The following DAW1 variants were observed in gnomAD, a reference collection of about 807,000 sequenced individuals.
DAW1 encodes the protein dynein assembly factor with WD repeat domains 1.
DAW1 carries 47 observed loss-of-function variants against 56.5 expected under a neutral mutation model. The ratio of observed to expected loss-of-function variants is 0.83; its 90% CI spans 0.66 to 1.06. The LOEUF is 1.06. Ranked by LOEUF, DAW1 falls within the 50% of genes least tolerant of loss-of-function variation. DAW1 has a pLI of 0.00. For missense variants in DAW1, 505 were observed against 499.3 expected (o/e 1.01, Z -0.11); for synonymous variants, 190 against 179.0 (o/e 1.06, Z -0.49).
intron 1 of DAW1, among the ~76,000 whole-genome samples, chr2:227,874,243 C>T (rs2106182614): frequency 6.6e-6 from 1 of 152,234 alleles, no homozygotes; most frequent in East Asian, 1.9e-4. Flanking sequence ...AAAACTTGGG[C>T]AATTTGTTTT....
chr2:227,921,094 G>T (rs764535024), intron 11 of DAW1, among the ~76,000 whole-genome samples: 23 of 152,178 alleles, frequency 1.5e-4, no homozygotes, highest in Non-Finnish European at 2.6e-4. Flanking sequence ...AGGGCATCGT[G>T]CATCTTTGGA....
chr2:227,906,117 A>G (rs1691673833), intron 8 of DAW1, 119 bp from the exon 9 acceptor site: 7 of 625,906 alleles, frequency 1.1e-5, no homozygotes, highest in Non-Finnish European at 1.8e-5. Flanking sequence ...CATCAAATAT[A>G]TTATTTTGTA....
intron 1 of DAW1, among the ~76,000 whole-genome samples, chr2:227,879,747 C>A (rs1409740655): frequency 6.6e-6 from 1 of 151,952 alleles, no homozygotes; most frequent in African/African-American, 2.4e-5. Context: ...TTCAAAAAAT[C>A]CAACTGATTA....
Position 227,905,356 on chromosome 2 carries a change from G to A in DAW1, c.755+321G>A, listed in dbSNP as rs541559131. ...TCATTATGTTAGGCAGGAATATCAT[G>A]TATAAATAAAAACTCTTAGTTAATT... On this transcript the variant is annotated intron_variant, in intron 8 of 12. Transcript: ENST00000309931. Among the ~76,000 whole-genome samples, 6 of 152,290 alleles carry A rather than the reference G, an allele frequency of 3.9e-5. No homozygotes were observed. The South Asian group carries it at 1.0e-3, about 26-fold the overall frequency.
rs181007990 is a variant in DAW1, at chr2:227,903,836, C to A, written c.648+727C>A. On this transcript the variant is annotated intron_variant, in intron 7 of 12. Transcript: ENST00000309931. ...CATTTTTAAAAACATGATTTGTTTC[C>A]TCAGAAAGCTTTTTCTAAGCAAGTT... Among the ~76,000 whole-genome samples, 237 of 152,084 alleles carry A rather than the reference C, an allele frequency of 1.6e-3. 1 individual carries two copies. Among genetic ancestry groups the A allele is most frequent in the African/African-American group, 5.4e-3 (224 of 41,480 alleles).
chr2:227,918,983 C>A, intron 11 of DAW1, 127 bp downstream of exon 11: 1 of 983,216 alleles, frequency 1.0e-6, no homozygotes, highest in Non-Finnish European at 1.5e-6. Flanking sequence ...TTGCTTGAGG[C>A]CAGGAGTTCA....
chr2:227,912,469 G>C, intron 10 of DAW1: 8 of 1,303,754 alleles, frequency 6.1e-6, no homozygotes, highest in Non-Finnish European at 8.1e-6. Context: ...TCAACAATAT[G>C]GTATGCTACA....
intron 2 of DAW1, among the ~76,000 whole-genome samples, chr2:227,887,126 T>A (rs1413357025): frequency 1.3e-5 from 2 of 152,114 alleles, no homozygotes; most frequent in Non-Finnish European, 2.9e-5. Flanking sequence ...GCTCAGAGGA[T>A]GATGGTCTAT....
At chr2:227,918,734 C>A (rs1692032896) in intron 10 of DAW1, 46 bp from the exon 11 acceptor site, 12 of 1,594,780 alleles carry the variant, frequency 7.5e-6, no homozygotes, top group Non-Finnish European at 8.6e-6. Flanking sequence ...ATCCAAAGTT[C>A]TGTATTTAAG....
chr2:227,901,524 G>T (rs187521698), intron 6 of DAW1, among the ~76,000 whole-genome samples: 1 of 152,244 alleles, frequency 6.6e-6, no homozygotes, highest in Non-Finnish European at 1.5e-5. Flanking sequence ...ATAGAGTATG[G>T]AGAGGGACTG....
intron 10 of DAW1, among the ~76,000 whole-genome samples, chr2:227,917,875 T>C (rs1692001059): frequency 6.6e-6 from 1 of 152,180 alleles, no homozygotes; most frequent in Admixed American, 6.5e-5. Flanking sequence ...AAAAATTTAT[T>C]ATGATATTTT....
intron 1 of DAW1, among the ~76,000 whole-genome samples, chr2:227,881,204 G>T (rs548884385): frequency 6.6e-6 from 1 of 152,350 alleles, no homozygotes; most frequent in South Asian, 2.1e-4. Context: ...TTTGAGGACA[G>T]TCTTCCCATC....
intron 5 of DAW1, among the ~76,000 whole-genome samples, chr2:227,896,630 G>A (rs1052703305): frequency 7.4e-5 from 10 of 135,464 alleles, no homozygotes; most frequent in African/African-American, 1.1e-4. Context: ...GTGTGTGTGT[G>A]TATGAGAGAG....
chr2:227,880,543 C>A (rs1458129589), intron 1 of DAW1, among the ~76,000 whole-genome samples: 1 of 152,108 alleles, frequency 6.6e-6, no homozygotes, highest in African/African-American at 2.4e-5. Flanking sequence ...AAAATTATGC[C>A]AAACTATCCT....
rs1692114810 is a variant in DAW1 at position 227,921,664 on chromosome 2, T to C, written c.1213+103T>C. ...GTTCATCCCCATTCCCTACCTCTTT[T>C]CTGGAGTCACTAGCTCATCTTGGCC... is the stretch of plus-strand genomic sequence containing the variant. On this transcript the variant is annotated intron_variant, in intron 12 of 12. Transcript: ENST00000309931. 4.7e-6 allele frequency: 6 copies of C among 1,277,064 alleles called. No individual in the cohort carries two copies. The Admixed American group carries it at 1.4e-4, about 29-fold the overall frequency. 79.1% of individuals were successfully genotyped at this position (1,277,064 alleles called of 1,614,324 possible). A position where few individuals can be genotyped will look rare whatever the true frequency, so the allele number is the denominator to read the frequency against.
At chr2:227,889,659 C>G (rs142435641) in intron 2 of DAW1, 197 bp from the exon 3 acceptor site, 3 of 405,500 alleles carry the variant, frequency 7.4e-6, no homozygotes, top group Non-Finnish European at 1.3e-5. Context: ...AAGCTTCTTG[C>G]TTTCCTGCCA....
At chr2:227,893,949 A>C in intron 5 of DAW1, 32 bp downstream of exon 5, 2 of 1,520,892 alleles carry the variant, frequency 1.3e-6, no homozygotes, top group Non-Finnish European at 1.8e-6. Context: ...TTTGTTTATT[A>C]ATTCATTTAT....
chr2:227,891,658 G>A (rs1204132599), intron 4 of DAW1, among the ~76,000 whole-genome samples: 1 of 152,174 alleles, frequency 6.6e-6, no homozygotes, highest in South Asian at 2.1e-4. Context: ...GTGATTTGGG[G>A]TATGGCAAAC....
intron 10 of DAW1, among the ~76,000 whole-genome samples, chr2:227,917,429 T>C (rs1691982550): frequency 6.6e-6 from 1 of 151,984 alleles, no homozygotes; most frequent in African/African-American, 2.4e-5. Context: ...CCCGGCTAAT[T>C]TGTTGTATTT....
Sources: allele counts gnomAD v4.1 joint callset (sites outside exome capture counted in the v4.1 genomes callset), GRCh38; gene constraint gnomAD v4.1.1; transcripts MANE v1.5; gene names NCBI Gene and HGNC (gene_info 2026-07-23, HGNC 2026-07-21).